Variants in GDPD5 observed in about 807,000 individuals in gnomAD.
The protein encoded by GDPD5 is glycerophosphodiester phosphodiesterase 2.
A neutral mutation model predicts 75.1 loss-of-function variants in GDPD5; 48 were observed. The observed-to-expected ratio is 0.64, with a 90% confidence interval of 0.51 to 0.81. GDPD5 has a LOEUF of 0.81. Ranked by LOEUF, GDPD5 falls within the 40% of genes least tolerant of loss-of-function variation. The probability of loss-of-function intolerance (pLI) is 0.00; values close to 1 mark genes in which losing one functional copy is unlikely to be tolerated. For missense variants in GDPD5, 706 were observed against 822.6 expected (o/e 0.86, Z 1.73); for synonymous variants, 336 against 339.0 (o/e 0.99, Z 0.10).
intron 2 of GDPD5, among the ~76,000 whole-genome samples, chr11:75,479,778 G>A (rs935527339): frequency 2.6e-5 from 4 of 151,876 alleles, no homozygotes; most frequent in Admixed American, 1.3e-4. Flanking sequence ...GCCTATTCTA[G>A]AGACCTCGTA....
At position 75,435,008 on chromosome 11, in the gene GDPD5, G is replaced by A. The variant is rs1367959684; in HGVS notation, c.*499C>T. 1 of 153,052 alleles carries A rather than the reference G, an allele frequency of 6.5e-6. No homozygotes were observed. Among genetic ancestry groups the A allele is most frequent in the Non-Finnish European group, 1.5e-5 (1 of 68,378 alleles). The allele number at this position is 153,052 out of a possible 1,614,324, so 9.5% of individuals were successfully genotyped here. On this transcript the variant is annotated 3_prime_UTR_variant, in exon 17 of 17. Coordinates refer to ENST00000336898, the MANE Select transcript of GDPD5 (RefSeq NM_030792.8). ...CCACATTGCAGCTGGCTTCCTCCTG[G>A]GCTGAACCTCCTTGTGCTTTGAGAC...
chr11:75,476,041 A>T (rs974581010), intron 3 of GDPD5, among the ~76,000 whole-genome samples: 4 of 152,132 alleles, frequency 2.6e-5, no homozygotes, highest in Non-Finnish European at 5.9e-5. Flanking sequence ...CTTCCCCAGC[A>T]TCTGCCCTGA....
intron 1 of GDPD5, among the ~76,000 whole-genome samples, chr11:75,506,226 A>G (rs1389370396): frequency 1.3e-5 from 2 of 152,158 alleles, no homozygotes; most frequent in African/African-American, 2.4e-5. Flanking sequence ...TGTTCCTCTC[A>G]GGGACGCTTT....
chr11:75,505,580 G>A (rs1403079733), intron 1 of GDPD5, among the ~76,000 whole-genome samples: 1 of 152,118 alleles, frequency 6.6e-6, no homozygotes, highest in Admixed American at 6.5e-5. Flanking sequence ...CTGAGTGGGA[G>A]GCAGGAGGCA....
intron 1 of GDPD5, among the ~76,000 whole-genome samples, chr11:75,496,597 T>C (rs930359697): frequency 5.3e-5 from 8 of 151,970 alleles, no homozygotes; most frequent in South Asian, 2.1e-4. Flanking sequence ...CCAGACCCCA[T>C]CTCCCTCATG....
intron 9 of GDPD5, among the ~76,000 whole-genome samples, chr11:75,448,126 G>A (rs944517867): frequency 1.3e-5 from 2 of 152,194 alleles, no homozygotes; most frequent in Admixed American, 1.3e-4. Context: ...ACACCAGGAA[G>A]CCAAGCCCTC....
intron 1 of GDPD5, among the ~76,000 whole-genome samples, chr11:75,508,558 T>C (rs1950451111): frequency 6.6e-6 from 1 of 152,334 alleles, no homozygotes; most frequent in Admixed American, 6.5e-5. Flanking sequence ...GCTTGGTCTT[T>C]TTAAGACAGG....
chr11:75,520,438 G>A (rs1399932715), intron 1 of GDPD5, among the ~76,000 whole-genome samples: 1 of 152,172 alleles, frequency 6.6e-6, no homozygotes, highest in Non-Finnish European at 1.5e-5. Context: ...TGGCCCGGAG[G>A]GTGTGGCTCT....
intron 16 of GDPD5, among the ~76,000 whole-genome samples, chr11:75,435,957 T>C (rs554350729): frequency 6.6e-6 from 1 of 152,296 alleles, no homozygotes; most frequent in East Asian, 1.9e-4. Context: ...GCCCCTCTCT[T>C]AGGAGTGACT....
chr11:75,457,451 C>G (rs1424280583), intron 5 of GDPD5, among the ~76,000 whole-genome samples: 1 of 152,230 alleles, frequency 6.6e-6, no homozygotes, highest in African/African-American at 2.4e-5. Context: ...CAACTTCCTA[C>G]TAGTGGCATG....
At chr11:75,479,099 A>T (rs1031356784) in intron 2 of GDPD5, 1 of 150,810 alleles carries the variant, frequency 6.6e-6, no homozygotes, top group Non-Finnish European at 1.5e-5. Context: ...TATCTGTGGG[A>T]GCCTCGGCCT....
At chr11:75,446,154 T>C (rs1024819288) in intron 9 of GDPD5, among the ~76,000 whole-genome samples, 1 of 152,190 alleles carries the variant, frequency 6.6e-6, no homozygotes, top group African/African-American at 2.4e-5. Context: ...CCCTGCTGCA[T>C]GGGCTGGGGC....
At chr11:75,515,334 C>T (rs1950614638) in intron 1 of GDPD5, among the ~76,000 whole-genome samples, 1 of 152,230 alleles carries the variant, frequency 6.6e-6, no homozygotes, top group Non-Finnish European at 1.5e-5. Flanking sequence ...CTGACCATGC[C>T]TCCTCTTGGG....
chr11:75,498,161 T>C (rs537972893), intron 1 of GDPD5, among the ~76,000 whole-genome samples: 1 of 152,310 alleles, frequency 6.6e-6, no homozygotes, highest in Non-Finnish European at 1.5e-5. Flanking sequence ...TCTCTTGTGA[T>C]GTCACAGGGG....
chr11:75,474,435 C>T (rs1021160359), intron 3 of GDPD5, among the ~76,000 whole-genome samples: 3 of 152,176 alleles, frequency 2.0e-5, no homozygotes, highest in Admixed American at 2.0e-4. Context: ...AGACAACAAC[C>T]AATTAATTAT....
intron 6 of GDPD5, among the ~76,000 whole-genome samples, chr11:75,454,582 A>AG (rs1346244881): frequency 1.3e-5 from 2 of 152,254 alleles, no homozygotes; most frequent in Non-Finnish European, 2.9e-5. Context: ...CTAGACGCCT[A>AG]GGGAATCAGG....
intron 2 of GDPD5, among the ~76,000 whole-genome samples, chr11:75,483,087 C>T (rs1949952280): frequency 6.6e-6 from 1 of 152,134 alleles, no homozygotes; most frequent in African/African-American, 2.4e-5. Flanking sequence ...CCCTTCCTGC[C>T]AGGGATAATG....
intron 13 of GDPD5, 36 bp from the exon 14 acceptor site, chr11:75,441,346 C>T: frequency 6.2e-7 from 1 of 1,612,668 alleles, no homozygotes; most frequent in South Asian, 1.1e-5. Flanking sequence ...AGCATGCGGA[C>T]CCTGGCAGCT....
At chr11:75,483,751 T>G (rs1318967187) in intron 2 of GDPD5, among the ~76,000 whole-genome samples, 1 of 152,180 alleles carries the variant, frequency 6.6e-6, no homozygotes, top group Admixed American at 6.5e-5. Flanking sequence ...GGCCACATAT[T>G]GTATGATTCC....
Sources: allele counts gnomAD v4.1 joint callset (sites outside exome capture counted in the v4.1 genomes callset), GRCh38; gene constraint gnomAD v4.1.1; transcripts MANE v1.5; gene names NCBI Gene and HGNC (gene_info 2026-07-23, HGNC 2026-07-21).